GMDS: variants seen among roughly 807,000 people sequenced by gnomAD.
GMDS encodes GDP-mannose 4,6 dehydratase.
GMDS carries 20 observed loss-of-function variants against 49.9 expected under a neutral mutation model. The observed-to-expected ratio is 0.40, with a 90% CI of 0.28 to 0.58. The LOEUF (loss-of-function observed/expected upper bound fraction) is 0.58, where lower values mean the gene tolerates loss of function less well. Among genes scored for constraint, GMDS ranks in the 20% least tolerant of loss-of-function variants. GMDS has a pLI of 0.42. For missense variants in GMDS, 362 were observed against 481.4 expected, an observed-to-expected ratio of 0.75 and a Z score of 2.32; for synonymous variants, 177 against 178.6, an observed-to-expected ratio of 0.99 and a Z score of 0.07.
intron 1 of GMDS, among the ~76,000 whole-genome samples, chr6:2,143,088 A>G (rs901793130): frequency 6.6e-6 from 1 of 152,206 alleles, no homozygotes; most frequent in Non-Finnish European, 1.5e-5. Flanking sequence ...CCATGACTGC[A>G]TTGCTCAACA....
chr6:2,193,715 A>G (rs1483334956), intron 1 of GMDS, among the ~76,000 whole-genome samples: 3 of 149,842 alleles, frequency 2.0e-5, no homozygotes, highest in Non-Finnish European at 4.4e-5. Context: ...CTTAGTGAAA[A>G]TGCTATTTTT....
chr6:1,806,383 CTGAATTTCAGGATGGG>C (rs966884558), intron 7 of GMDS, among the ~76,000 whole-genome samples: 1 of 151,860 alleles, frequency 6.6e-6, no homozygotes, highest in Non-Finnish European at 1.5e-5. Flanking sequence ...CAAAGAAAGA[CTGAATTTCAGGATGGG>C]TGCTCTATCA....
chr6:2,232,916 A>G (rs1172321996), intron 1 of GMDS, among the ~76,000 whole-genome samples: 2 of 152,156 alleles, frequency 1.3e-5, no homozygotes, highest in African/African-American at 4.8e-5. Context: ...CATGACGAAA[A>G]AAAACCTTTC....
chr6:1,878,577 G>A (rs959648277), intron 7 of GMDS, among the ~76,000 whole-genome samples: 1 of 152,064 alleles, frequency 6.6e-6, no homozygotes, highest in Non-Finnish European at 1.5e-5. Flanking sequence ...GGCCATGCGG[G>A]AATCTGCTTG....
At chr6:1,982,157 T>G (rs1684291916) in intron 4 of GMDS, among the ~76,000 whole-genome samples, 1 of 151,972 alleles carries the variant, frequency 6.6e-6, no homozygotes, top group Non-Finnish European at 1.5e-5. Context: ...AATACAAAAA[T>G]TAGCCAGGCG....
chr6:1,780,200 A>G (rs1010027305), intron 7 of GMDS, among the ~76,000 whole-genome samples: 3 of 152,230 alleles, frequency 2.0e-5, no homozygotes, highest in African/African-American at 4.8e-5. Flanking sequence ...TTTGATGAGT[A>G]AAAGTTTTGT....
intron 9 of GMDS, among the ~76,000 whole-genome samples, chr6:1,700,517 C>CTACA (rs1039273611): frequency 1.7e-4 from 26 of 152,200 alleles, no homozygotes; most frequent in African/African-American, 6.0e-4. Context: ...AAAAGCAGCT[C>CTACA]TACAGTCTTC....
In GMDS at chr6:2,098,504, A is replaced by C. The variant is rs1050846632; in HGVS notation, c.345+17267T>G. Among the ~76,000 whole-genome samples the C allele has an allele frequency of 9.2e-5, 14 of 152,372 alleles. No homozygotes were observed. The East Asian group carries it at 1.9e-3, about 21-fold the overall frequency. On this transcript the variant is annotated intron_variant, in intron 4 of 10. Transcript: ENST00000380815. ...GTACGTAGTTTATAACTTTATTTAG[A>C]AACAAAATCTTAAATCCTTATGGTA...
At position 1,964,597 on chromosome 6, in the gene GMDS, C is replaced by G. The variant is rs544840156; in HGVS notation, c.346-3631G>C. Reference sequence around the variant, plus strand: ...CACATCCTTGCATAAGCACCTTAACCATTAGAACATAGAATAAGGAAGCTG... The same window carrying G: ...CACATCCTTGCATAAGCACCTTAACGATTAGAACATAGAATAAGGAAGCTG... On this transcript the variant is annotated intron_variant, in intron 4 of 10. Coordinates refer to ENST00000380815, the MANE Select transcript of GMDS (RefSeq NM_001500.4). Among the ~76,000 whole-genome samples the G allele has an allele frequency of 2.6e-5, 4 of 152,274 alleles. No individual in the cohort carries two copies. In the East Asian group the frequency reaches 7.7e-4, roughly 29 times the overall value.
chr6:1,886,691 A>G (rs1050841610), intron 7 of GMDS, among the ~76,000 whole-genome samples: 8 of 152,352 alleles, frequency 5.3e-5, no homozygotes, highest in Admixed American at 1.3e-4. Flanking sequence ...GACTCAGGGA[A>G]CAAACACTAA....
chr6:1,874,524 G>C (rs1415719669), intron 7 of GMDS, among the ~76,000 whole-genome samples: 1 of 152,082 alleles, frequency 6.6e-6, no homozygotes, highest in East Asian at 1.9e-4. Flanking sequence ...CATGCTTCAA[G>C]GGTCACACAC....
rs78832617 is a variant in GMDS at position 1,635,254 on chromosome 6, C to T, written c.988-10714G>A. Among the ~76,000 whole-genome samples the T allele has an allele frequency of 9.3e-4, 141 of 152,276 alleles. 1 individual carries two copies. Among genetic ancestry groups the T allele is most frequent in the African/African-American group, 3.2e-3 (133 of 41,564 alleles). On this transcript the variant is annotated intron_variant, in intron 9 of 10. Coordinates refer to ENST00000380815, the MANE Select transcript of GMDS (RefSeq NM_001500.4). The surrounding 1 kb of genome is among the most constrained non-coding windows in gnomAD (Gnocchi z 4.7). ...CTGCTTAGCTCTGGGAAAGGGGCTC[C>T]GTTTCACATGTCCTGGCTATGCTCC...
chr6:1,878,284 C>T (rs928540396), intron 7 of GMDS, among the ~76,000 whole-genome samples: 2 of 133,582 alleles, frequency 1.5e-5, no homozygotes, highest in South Asian at 4.7e-4. Context: ...CACTGCACTC[C>T]AGCCTGGGTG....
intron 9 of GMDS, among the ~76,000 whole-genome samples, chr6:1,696,991 T>C (rs1765366933): frequency 6.6e-6 from 1 of 152,218 alleles, no homozygotes; most frequent in Non-Finnish European, 1.5e-5. Context: ...AATTAGCTGA[T>C]TGGGCTGCAG....
chr6:1,637,337 G>A (rs1763189673), intron 9 of GMDS, among the ~76,000 whole-genome samples: 1 of 152,236 alleles, frequency 6.6e-6, no homozygotes, highest in Non-Finnish European at 1.5e-5. Flanking sequence ...CCCGCAGACA[G>A]CACTTGTGAG....
At chr6:2,122,479 C>A (rs1775193942) in intron 2 of GMDS, among the ~76,000 whole-genome samples, 1 of 152,198 alleles carries the variant, frequency 6.6e-6, no homozygotes, top group African/African-American at 2.4e-5. Context: ...TTCATGCAAT[C>A]TACTAATCCT....
chr6:1,866,639 G>C (rs938040525), intron 7 of GMDS, among the ~76,000 whole-genome samples: 1 of 152,226 alleles, frequency 6.6e-6, no homozygotes, highest in African/African-American at 2.4e-5. Context: ...AAATGTAGTA[G>C]TTACAATATA....
At chr6:1,979,103 AC>A (rs1765080535) in intron 4 of GMDS, among the ~76,000 whole-genome samples, 1 of 152,208 alleles carries the variant, frequency 6.6e-6, no homozygotes, top group Non-Finnish European at 1.5e-5. Context: ...AAAAATCAAC[AC>A]AAAAACTCTG....
At chr6:1,902,825 C>T (rs187052002) in intron 7 of GMDS, among the ~76,000 whole-genome samples, 5 of 152,236 alleles carry the variant, frequency 3.3e-5, no homozygotes, top group Non-Finnish European at 7.4e-5. Context: ...CTGTTCAGCA[C>T]ATAAACTATT....
Sources: allele counts gnomAD v4.1 joint callset (sites outside exome capture counted in the v4.1 genomes callset), GRCh38; gene constraint gnomAD v4.1.1; non-coding constraint Gnocchi (gnomAD v3.1); transcripts MANE v1.5; gene names NCBI Gene and HGNC (gene_info 2026-07-23, HGNC 2026-07-21).